ST3GAL5: variants seen among roughly 807,000 people sequenced by gnomAD.
ST3GAL5 encodes the protein ST3 beta-galactoside alpha-2,3-sialyltransferase 5, also known as lactosylceramide alpha-2,3-sialyltransferase.
In ST3GAL5, 25 loss-of-function variants were observed where a neutral mutation model predicts 46.1. That is an observed-to-expected ratio of 0.54 (90% CI 0.40 to 0.76). The LOEUF is 0.76. ST3GAL5 is among the 30% of genes least tolerant of loss of function. The pLI, the probability that ST3GAL5 is intolerant of heterozygous loss-of-function variation, is 0.00. For missense variants in ST3GAL5, 431 were observed against 521.2 expected (o/e 0.83, Z 1.69); for synonymous variants, 182 against 192.7 (o/e 0.94, Z 0.46).
intron 1 of ST3GAL5, among the ~76,000 whole-genome samples, chr2:85,877,005 C>G (rs984377918): frequency 5.9e-5 from 9 of 152,198 alleles, no homozygotes; most frequent in Non-Finnish European, 1.5e-5. Context: ...TGCCCTTTAA[C>G]CAGACTCCCC....
In ST3GAL5 at chr2:85,837,126, A is replaced by T. The variant is rs1317845660; in HGVS notation, c.*3018T>A. 6.6e-6 allele frequency: 1 copy of T among 152,252 alleles called. No homozygotes were observed. Among genetic ancestry groups the T allele is most frequent in the African/African-American group, 2.4e-5 (1 of 41,460 alleles). 9.4% of individuals were successfully genotyped at this position (152,252 alleles called of 1,614,324 possible). On this transcript the variant is annotated 3_prime_UTR_variant, in exon 7 of 7. Transcript: ENST00000638572. ...ATCCAAAACAAAAGACATATTGAAG[A>T]TATATCTATACTCCCATATTTATTG...
rs376568703 is a variant in ST3GAL5, at chr2:85,852,783, A to G, written c.319-4579T>C. 40 of 879,348 alleles carry G rather than the reference A, an allele frequency of 4.5e-5. No individual in the cohort carries two copies. The African/African-American group carries it at 5.9e-4, about 13-fold the overall frequency. 54.5% of individuals were successfully genotyped at this position (879,348 alleles called of 1,614,324 possible). A position where few individuals can be genotyped will look rare whatever the true frequency, so the allele number is the denominator to read the frequency against. ...ATCAGGAGATCTGGAGGCTGGACTC[A>G]GTTCTAGATTGATTTAACTAGCAGC... On this transcript the variant is annotated intron_variant, in intron 3 of 6. Coordinates refer to ENST00000638572, the MANE Select transcript of ST3GAL5 (RefSeq NM_003896.4).
intron 3 of ST3GAL5, among the ~76,000 whole-genome samples, chr2:85,857,793 C>A (rs748700255): frequency 4.6e-5 from 7 of 152,070 alleles, no homozygotes; most frequent in Non-Finnish European, 8.8e-5. Context: ...AATTGTAGAA[C>A]ACGACTACTC....
intron 1 of ST3GAL5, among the ~76,000 whole-genome samples, chr2:85,872,444 A>G (rs1258579482): frequency 1.3e-5 from 2 of 152,060 alleles, no homozygotes. Context: ...TTAGCTGGGC[A>G]TGGTGGCGCA....
At chr2:85,841,898 G>C (rs1185088206) in intron 6 of ST3GAL5, among the ~76,000 whole-genome samples, 1 of 152,136 alleles carries the variant, frequency 6.6e-6, no homozygotes, top group Non-Finnish European at 1.5e-5. Context: ...AGCTCACTAG[G>C]CCTCCTCAAA....
chr2:85,846,437 AG>A lies in ST3GAL5; in HGVS notation c.788del (p.Ala263ValfsTer16). 1 of 1,614,246 alleles carries A rather than the reference AG, an allele frequency of 6.2e-7. No homozygotes were observed. Among genetic ancestry groups the A allele is most frequent in the South Asian group, 1.1e-5 (1 of 91,086 alleles). ...LEYYSNDLFV[A>X]VLFKSVDFNW... ...TGAAATCAACACTCTTAAATAAAAC[AG>A]CAACAAATAAGTCATTGGAATAATA... is the stretch of plus-strand genomic sequence containing the variant. On this transcript the variant is annotated frameshift_variant, in exon 5 of 7. Transcript: ENST00000638572. LOFTEE classifies it high-confidence loss of function.
chr2:85,866,273 G>C (rs1685277854), intron 1 of ST3GAL5: 1 of 152,138 alleles, frequency 6.6e-6, no homozygotes, highest in African/African-American at 2.4e-5. Context: ...TCAGCCATAA[G>C]ATGAAAACCT....
chr2:85,888,833 C>T lies in ST3GAL5; in HGVS notation c.73G>A (p.Ala25Thr). ...QPRTEAAAAPAGRAMPSEYTY... is the reference protein window; with the variant it reads ...QPRTEAAAAPTGRAMPSEYTY... ...GGGCTGCGCCACGTACCTCGGCCGGCAGGTGCCGCCGCTGCCTCGGTCCGC... is the reference window on the plus strand; with the variant it reads ...GGGCTGCGCCACGTACCTCGGCCGGTAGGTGCCGCCGCTGCCTCGGTCCGC... Residue 25 changes from alanine to threonine, a missense_variant, in exon 1 of 7, where the codon GCC (alanine) becomes ACC (threonine). Ala to Thr is a moderately conservative substitution (Grantham distance 58, BLOSUM62 0). Coordinates refer to ENST00000638572, the MANE Select transcript of ST3GAL5 (RefSeq NM_003896.4). 2 of 1,275,786 alleles carry T rather than the reference C, an allele frequency of 1.6e-6. No individual in the cohort carries two copies. The highest frequency in any genetic ancestry group is 2.0e-6 in the Non-Finnish European group (2 of 1,011,298). The allele number at this position is 1,275,786 out of a possible 1,614,324, so 79.0% of individuals were successfully genotyped here.
At chr2:85,844,756 C>T in intron 5 of ST3GAL5, 1 of 647,572 alleles carries the variant, frequency 1.5e-6, no homozygotes, top group East Asian at 2.8e-5. Flanking sequence ...AGCCACTTCA[C>T]ACAGGCGGCA....
chr2:85,888,946 C>A lies in ST3GAL5; in HGVS notation c.-41G>T. ...CCGGCCGGCCGCCAGCCCGGTACCCCGCGCCCCCACCCGCCCCCAGCGCCG... is the reference window on the plus strand; with the variant it reads ...CCGGCCGGCCGCCAGCCCGGTACCCAGCGCCCCCACCCGCCCCCAGCGCCG... On this transcript the variant is annotated 5_prime_UTR_variant, in exon 1 of 7. Transcript: ENST00000638572. 4 of 1,282,198 alleles carry A rather than the reference C, an allele frequency of 3.1e-6. No individual in the cohort carries two copies. The highest frequency in any genetic ancestry group is 3.9e-5 in the Admixed American group (1 of 25,556). The allele number at this position is 1,282,198 out of a possible 1,614,324, so 79.4% of individuals were successfully genotyped here.
chr2:85,852,924 T>C (rs1683689331), intron 3 of ST3GAL5: 1 of 1,301,824 alleles, frequency 7.7e-7, no homozygotes, highest in Admixed American at 2.3e-5. Flanking sequence ...AAGACTCGGT[T>C]TGAAGATGCT....
At chr2:85,883,853 C>T (rs149569874) in intron 1 of ST3GAL5, among the ~76,000 whole-genome samples, 10 of 152,300 alleles carry the variant, frequency 6.6e-5, no homozygotes, top group Non-Finnish European at 1.3e-4. Context: ...AGTCCTCTCA[C>T]GAAGCAGGAC....
In ST3GAL5 at chr2:85,888,970, C is replaced by A. The variant is rs934743406; in HGVS notation, c.-65G>T. On this transcript the variant is annotated 5_prime_UTR_variant, in exon 1 of 7. Coordinates refer to ENST00000638572, the MANE Select transcript of ST3GAL5 (RefSeq NM_003896.4). ...CCGCGCCCCCACCCGCCCCCAGCGC[C>A]GCTCTCGCGCCCATTCAGCTGGGGG... 10 of 1,200,040 alleles carry A rather than the reference C, an allele frequency of 8.3e-6. No homozygotes were observed. Among genetic ancestry groups the A allele is most frequent in the Non-Finnish European group, 1.0e-5 (10 of 955,312 alleles). The allele number at this position is 1,200,040 out of a possible 1,614,324, so 74.3% of individuals were successfully genotyped here. A position where few individuals can be genotyped will look rare whatever the true frequency, so the allele number is the denominator to read the frequency against.
At chr2:85,881,644 G>C (rs192529298) in intron 1 of ST3GAL5, among the ~76,000 whole-genome samples, 1 of 152,248 alleles carries the variant, frequency 6.6e-6, no homozygotes, top group Admixed American at 6.5e-5. Context: ...TTGAAGTTGA[G>C]AGAGATGATT....
At chr2:85,848,500 G>A in intron 3 of ST3GAL5, 1 of 1,010,154 alleles carries the variant, frequency 9.9e-7, no homozygotes, top group Non-Finnish European at 1.4e-6. Context: ...ATACATTTGG[G>A]GTGAAAATGT....
At chr2:85,879,760 A>G (rs1413309764) in intron 1 of ST3GAL5, among the ~76,000 whole-genome samples, 4 of 152,228 alleles carry the variant, frequency 2.6e-5, no homozygotes, top group African/African-American at 7.2e-5. Context: ...AGCAGAACTG[A>G]CAGTTAACAA....
chr2:85,870,153 T>C, intron 1 of ST3GAL5: 1 of 467,546 alleles, frequency 2.1e-6, no homozygotes, highest in Non-Finnish European at 4.5e-6. Context: ...TGATTCTTCA[T>C]AAGTTTTTTA....
At chr2:85,849,958 G>A (rs1683293471) in intron 3 of ST3GAL5, 1 of 152,008 alleles carries the variant, frequency 6.6e-6, no homozygotes, top group South Asian at 2.1e-4. Context: ...GTATCATTAT[G>A]AGGATTATTA....
intron 6 of ST3GAL5, among the ~76,000 whole-genome samples, chr2:85,841,241 T>G (rs558557447): frequency 3.6e-4 from 55 of 152,026 alleles, no homozygotes; most frequent in Non-Finnish European, 6.5e-4. Context: ...AGGGCCCCAT[T>G]GGCTTTGCTG....
Sources: gnomAD v4.1 joint callset for allele counts (sites outside exome capture counted in the v4.1 genomes callset) on GRCh38, gnomAD v4.1.1 for gene constraint, MANE v1.5 for transcripts, NCBI Gene and HGNC (gene_info 2026-07-23, HGNC 2026-07-21) for gene names.